The following ZNF229 variants were observed in gnomAD, a reference collection of about 807,000 sequenced individuals.
ZNF229 encodes zinc finger protein 229.
Under a neutral mutation model 11.8 loss-of-function variants are expected in ZNF229, and 10 were observed. The observed-to-expected ratio is 0.85, with a 90% CI of 0.52 to 1.44. The LOEUF (loss-of-function observed/expected upper bound fraction) is 1.44, where lower values mean the gene tolerates loss of function less well. Among genes scored for constraint, ZNF229 ranks in the 40% most tolerant of loss-of-function variants. The pLI, the probability that ZNF229 is intolerant of heterozygous loss-of-function variation, is 0.00. For missense variants in ZNF229, 1,045 were observed against 1,015.1 expected (o/e 1.03, Z -0.40); for synonymous variants, 368 against 374.8 (o/e 0.98, Z 0.21).
chr19:44,448,543 G>A (rs1260653114), upstream of ZNF229: 1 of 152,156 alleles, frequency 6.6e-6, no homozygotes, highest in Admixed American at 6.5e-5. Flanking sequence ...CCTCCGCAGC[G>A]CAGTCCGATC....
rs1346349492 is a variant in ZNF229, at chr19:44,445,183, G to C, written c.-177-2159C>G. Among the ~76,000 whole-genome samples, 3 of 152,120 alleles carry C rather than the reference G, an allele frequency of 2.0e-5. No homozygotes were observed. The East Asian group carries it at 5.8e-4, about 29-fold the overall frequency. ...AGCAAATACCTACAAATCAGAACCA[G>C]AATCAGATTATTCTTGCTGCCACCG... On this transcript the variant is annotated intron_variant, in intron 2 of 5. Coordinates refer to ENST00000614049, the MANE Select transcript of ZNF229 (RefSeq NM_014518.4).
rs1240987968 is a variant in ZNF229, at chr19:44,429,142, A to C, written c.1639T>G (p.Cys547Gly). The C allele has an allele frequency of 6.2e-7, 1 of 1,613,094 alleles. No individual in the cohort carries two copies. Among genetic ancestry groups the C allele is most frequent in the African/African-American group, 1.3e-5 (1 of 74,524 alleles). ...RLHTGEKPYK[C>G]ECGKSFGRSS... Reference sequence around the variant, plus strand: ...CGGCCAAAGCTCTTCCCGCACTCGCATTTGTAGGGTTTCTCTCCTGTGTGC... The same window carrying C: ...CGGCCAAAGCTCTTCCCGCACTCGCCTTTGTAGGGTTTCTCTCCTGTGTGC... Residue 547 changes from cysteine (C) to glycine (G), a missense_variant, in exon 6 of 6, where the codon TGC becomes GGC. By Grantham distance (159) the Cys-to-Gly change is radical. Coordinates refer to ENST00000614049, the MANE Select transcript of ZNF229 (RefSeq NM_014518.4).
chr19:44,438,772 C>T (rs1018427505), intron 4 of ZNF229, among the ~76,000 whole-genome samples: 1 of 152,118 alleles, frequency 6.6e-6, no homozygotes, highest in Non-Finnish European at 1.5e-5. Flanking sequence ...GGACCAGGTT[C>T]AGAGAAATTC....
At position 44,428,827 on chromosome 19, in the gene ZNF229, C is replaced by T; in HGVS notation, c.1954G>A (p.Gly652Ser). The change falls in exon 6 of 6, where the codon GGC becomes AGC. Residue 652 changes from glycine (G) to serine (S), a missense_variant. Coordinates refer to ENST00000614049, the MANE Select transcript of ZNF229 (RefSeq NM_014518.4). Reference protein sequence around the residue: ...GLLIHQRVHTGEKPYRCQECG... With the variant: ...GLLIHQRVHTSEKPYRCQECG... ...TCTTGGCATCTGTAAGGTTTCTCGC[C>T]TGTGTGGACTCTCTGGTGAATGAGA... The T allele has an allele frequency of 2.5e-6, 4 of 1,613,464 alleles. No homozygotes were observed. In the South Asian group the frequency reaches 3.3e-5, roughly 13 times the overall value.
At chr19:44,443,412 T>C (rs1001916912) in intron 2 of ZNF229, among the ~76,000 whole-genome samples, 3 of 152,214 alleles carry the variant, frequency 2.0e-5, no homozygotes, top group Non-Finnish European at 2.9e-5. Context: ...TTAGGGATTA[T>C]AGAAATCAGG....
At chr19:44,433,132 C>G (rs1447874660) in intron 4 of ZNF229, among the ~76,000 whole-genome samples, 6 of 151,990 alleles carry the variant, frequency 3.9e-5, no homozygotes, top group African/African-American at 7.3e-5. Context: ...CAGCTCACTG[C>G]AGCCTCAATC....
At chr19:44,442,501 G>A in intron 4 of ZNF229, 62 bp downstream of exon 4, 1 of 1,557,838 alleles carries the variant, frequency 6.4e-7, no homozygotes, top group Non-Finnish European at 8.8e-7. Context: ...ACCGAGAAGG[G>A]ACGTATGTTT....
chr19:44,428,778 G>A lies in ZNF229; in HGVS notation c.2003C>T (p.Thr668Ile), dbSNP rs749587389. Residue 668 changes from threonine (T) to isoleucine (I), a missense_variant, in exon 6 of 6, where the codon ACA becomes ATA. Coordinates refer to ENST00000614049, the MANE Select transcript of ZNF229 (RefSeq NM_014518.4). ...CQECGKGFRCTSSLHKHQRVH... is the reference protein window; with the variant it reads ...CQECGKGFRCISSLHKHQRVH... ...TCGCTGATGTTTGTGAAGGCTTGAT[G>A]TGCACCTAAAGCCCTTTCCGCACTC... 6 of 1,612,812 alleles carry A rather than the reference G, an allele frequency of 3.7e-6. No homozygotes were observed. Among genetic ancestry groups the A allele is most frequent in the East Asian group, 2.2e-5 (1 of 44,828 alleles).
chr19:44,431,743 A>T, intron 5 of ZNF229: 1 of 985,802 alleles, frequency 1.0e-6, no homozygotes, highest in Non-Finnish European at 1.2e-6. Flanking sequence ...TGTCTCCAAG[A>T]CCTCTAGGCC....
intron 1 of ZNF229, among the ~76,000 whole-genome samples, chr19:44,447,809 C>T (rs2571161): frequency 0.015 from 2,277 of 152,168 alleles, 48 homozygotes; most frequent in African/African-American, 0.051. Context: ...CCCAAAGAAA[C>T]CGTCTACAAG....
chr19:44,445,114 T>C (rs1317496630), intron 2 of ZNF229, among the ~76,000 whole-genome samples: 1 of 152,222 alleles, frequency 6.6e-6, no homozygotes, highest in Admixed American at 6.5e-5. Context: ...GGAAATATTC[T>C]AGTCATCCTT....
chr19:44,430,683 G>C (rs1312018045), intron 5 of ZNF229, 141 bp from the exon 6 acceptor site: 4 of 724,212 alleles, frequency 5.5e-6, no homozygotes, highest in African/African-American at 1.8e-5. Context: ...TTATGTTTAT[G>C]ACAAGAGGAG....
chr19:44,444,975 T>C (rs547927246), intron 2 of ZNF229, among the ~76,000 whole-genome samples: 1 of 152,298 alleles, frequency 6.6e-6, no homozygotes. Flanking sequence ...TTCAACACAA[T>C]CTACACACTG....
In ZNF229 at chr19:44,432,281, T is replaced by C; in HGVS notation, c.179A>G (p.Gln60Arg). ...LLDSTQRQLY[Q>R]DVMQENFRNL... The stretch of plus-strand genomic sequence containing the variant: ...CCTGAAATTCTCCTGCATCACATCT[T>C]GGTACAGCTGCCTCTGGGTAGAGTC... Residue 60 changes from glutamine to arginine, a missense_variant, in exon 5 of 6, where the codon CAA becomes CGA. Physicochemically the swap from Gln to Arg is conservative, Grantham distance 43 (BLOSUM62 1). Coordinates refer to ENST00000614049, the MANE Select transcript of ZNF229 (RefSeq NM_014518.4). 1 of 1,613,954 alleles carries C rather than the reference T, an allele frequency of 6.2e-7. No individual in the cohort carries two copies. The highest frequency in any genetic ancestry group is 8.5e-7 in the Non-Finnish European group (1 of 1,179,980).
At chr19:44,433,460 T>C (rs936970528) in intron 4 of ZNF229, among the ~76,000 whole-genome samples, 7 of 152,058 alleles carry the variant, frequency 4.6e-5, no homozygotes, top group Non-Finnish European at 1.0e-4. Flanking sequence ...GTTTGGATCA[T>C]GCGGTCAGAT....
In ZNF229 at chr19:44,429,352, T is replaced by G; in HGVS notation, c.1429A>C (p.Ser477Arg). 2 of 1,614,098 alleles carry G rather than the reference T, an allele frequency of 1.2e-6. No homozygotes were observed. Among genetic ancestry groups the G allele is most frequent in the South Asian group, 2.2e-5 (2 of 91,084 alleles). The change falls in exon 6 of 6, where the codon AGC becomes CGC. Residue 477 changes from serine (S) to arginine (R), a missense_variant. Coordinates refer to ENST00000614049, the MANE Select transcript of ZNF229 (RefSeq NM_014518.4). ...CCGGTGTGTGTCTTCTGATGACTGC[T>G]GAGGTGGGAGCTGCAGCTGAATCCC... ...GKGFSCSSHL[S>R]SHQKTHTGER...
chr19:44,443,415 A>T (rs1971950723), intron 2 of ZNF229, among the ~76,000 whole-genome samples: 1 of 152,226 alleles, frequency 6.6e-6, no homozygotes, highest in African/African-American at 2.4e-5. Context: ...GGGATTATAG[A>T]AATCAGGATA....
chr19:44,426,916 A>G lies in ZNF229; in HGVS notation c.*1387T>C, dbSNP rs536721700. The stretch of plus-strand genomic sequence containing the variant: ...CTGCTATAAAGAACTACCTGAGACT[A>G]GGTAATTTGCAAAGGAAAGAGGTTT... On this transcript the variant is annotated 3_prime_UTR_variant, in exon 6 of 6. Coordinates refer to ENST00000614049, the MANE Select transcript of ZNF229 (RefSeq NM_014518.4). 2.0e-5 allele frequency: 3 copies of G among 152,284 alleles called. No individual in the cohort carries two copies. Among genetic ancestry groups the G allele is most frequent in the Middle Eastern group, 6.8e-3 (2 of 294 alleles). The allele number at this position is 152,284 out of a possible 1,614,324, so 9.4% of individuals were successfully genotyped here.
chr19:44,446,295 A>G (rs1474936022), intron 2 of ZNF229, among the ~76,000 whole-genome samples: 1 of 152,242 alleles, frequency 6.6e-6, no homozygotes. Flanking sequence ...AAGTTATGAT[A>G]AAATAATAAG....
Sources: gnomAD v4.1 joint callset for allele counts (sites outside exome capture counted in the v4.1 genomes callset) on GRCh38, gnomAD v4.1.1 for gene constraint, MANE v1.5 for transcripts, NCBI Gene and HGNC (gene_info 2026-07-23, HGNC 2026-07-21) for gene names.